Variants in PACRG observed in about 807,000 individuals in gnomAD.
PACRG encodes parkin coregulated.
Under a neutral mutation model 29.7 loss-of-function variants are expected in PACRG, and 29 were observed. The observed-to-expected ratio is 0.98, with a 90% confidence interval of 0.73 to 1.33. PACRG has a LOEUF of 1.33. Ranked by LOEUF, PACRG falls within the 40% of genes most tolerant of loss-of-function variation. The pLI is 0.00. For synonymous variants in PACRG, 116 were observed against 118.7 expected (o/e 0.98, Z 0.15); for missense variants, 279 against 316.2 (o/e 0.88, Z 0.89).
chr6:162,832,813 CTT>C lies in PACRG; in HGVS notation c.291+18544_291+18545del, dbSNP rs11310965. ...TCTAGCTTCTGCACATAAAAGCAGTCTTTTTTTTTTTTTCATTTTTTTGCCCA... is the reference window on the plus strand; with the variant it reads ...TCTAGCTTCTGCACATAAAAGCAGTCTTTTTTTTTTTCATTTTTTTGCCCA... On this transcript the variant is annotated intron_variant, in intron 2 of 4. Coordinates refer to ENST00000366888, the MANE Select transcript of PACRG (RefSeq NM_001080379.2). Among the ~76,000 whole-genome samples, 652 of 144,280 alleles carry C rather than the reference CTT, an allele frequency of 4.5e-3. 3 individuals are homozygous for C. Among genetic ancestry groups the C allele is most frequent in the African/African-American group, 0.015 (589 of 39,606 alleles). The allele number at this position is 144,280 out of a possible 152,430, so 94.7% of individuals were successfully genotyped here. A position where few individuals can be genotyped will look rare whatever the true frequency, so the allele number is the denominator to read the frequency against.
intron 2 of PACRG, among the ~76,000 whole-genome samples, chr6:162,882,096 G>A (rs1318938573): frequency 7.2e-6 from 1 of 138,202 alleles, no homozygotes; most frequent in Non-Finnish European, 1.5e-5. Context: ...CGGGGTGGGG[G>A]GGCGCACTCT....
At chr6:163,239,586 A>G (rs73601549) in intron 4 of PACRG, among the ~76,000 whole-genome samples, 12,063 of 151,664 alleles carry the variant, frequency 0.08, 980 homozygotes, top group East Asian at 0.2. Context: ...CCTTCTTAAC[A>G]TCACCTGATG....
At chr6:162,817,814 G>A (rs945384153) in intron 2 of PACRG, among the ~76,000 whole-genome samples, 2 of 152,044 alleles carry the variant, frequency 1.3e-5, no homozygotes, top group Non-Finnish European at 2.9e-5. Flanking sequence ...TATTATTAAA[G>A]TGAAAAAACG....
intron 2 of PACRG, among the ~76,000 whole-genome samples, chr6:162,817,102 G>T (rs1787421445): frequency 6.6e-6 from 1 of 152,172 alleles, no homozygotes; most frequent in African/African-American, 2.4e-5. Context: ...AGTGTTTCCA[G>T]AGCCTGTGGC....
intron 3 of PACRG, among the ~76,000 whole-genome samples, chr6:163,071,999 C>T (rs928724576): frequency 6.6e-6 from 1 of 151,446 alleles, no homozygotes; most frequent in Non-Finnish European, 1.5e-5. Flanking sequence ...TTCTACCAGA[C>T]ATTTCAAGAA....
intron 2 of PACRG, among the ~76,000 whole-genome samples, chr6:162,970,623 T>C (rs1382669496): frequency 6.6e-6 from 1 of 152,244 alleles, no homozygotes; most frequent in Non-Finnish European, 1.5e-5. Flanking sequence ...TCATTAGTTG[T>C]CTGCTCAAAA....
chr6:162,987,790 G>C (rs1299116954), intron 2 of PACRG, among the ~76,000 whole-genome samples: 1 of 152,218 alleles, frequency 6.6e-6, no homozygotes, highest in Non-Finnish European at 1.5e-5. Flanking sequence ...GACTCTGTGA[G>C]AGTCCTTGTT....
rs182295419 is a variant in PACRG, at chr6:163,118,493, T to C, written c.613+29085T>C. On this transcript the variant is annotated intron_variant, in intron 4 of 4. Coordinates refer to ENST00000366888, the MANE Select transcript of PACRG (RefSeq NM_001080379.2). ...TTTTTAAGCAAAGTTACTGCATGGC[T>C]AATGTATTTTATTTATAGATCCCCG... Among the ~76,000 whole-genome samples, 168 of 152,354 alleles carry C rather than the reference T, an allele frequency of 1.1e-3. 1 individual carries two copies. The highest frequency in any genetic ancestry group is 2.2e-3 in the Non-Finnish European group (148 of 68,034).
At chr6:162,858,863 C>T (rs1169072960) in intron 2 of PACRG, among the ~76,000 whole-genome samples, 1 of 152,154 alleles carries the variant, frequency 6.6e-6, no homozygotes, top group Non-Finnish European at 1.5e-5. Context: ...GAGTGGCCTT[C>T]CCTGCGGTCA....
rs193026060 is a variant in PACRG, at chr6:163,058,393, G to A, written c.292-3757G>A. On this transcript the variant is annotated intron_variant, in intron 2 of 4. Transcript: ENST00000366888. Reference sequence around the variant, plus strand: ...CTGGTGGCAGTGAGACGAGGTGTTTGATCCCTACCTGTTGTTCTAATAGTA... The same window carrying A: ...CTGGTGGCAGTGAGACGAGGTGTTTAATCCCTACCTGTTGTTCTAATAGTA... Among the ~76,000 whole-genome samples, 243 of 152,268 alleles carry A rather than the reference G, an allele frequency of 1.6e-3. 1 individual carries two copies. The highest frequency in any genetic ancestry group is 5.5e-3 in the African/African-American group (227 of 41,558).
chr6:162,922,560 T>A (rs1797142111), intron 2 of PACRG, among the ~76,000 whole-genome samples: 1 of 151,928 alleles, frequency 6.6e-6, no homozygotes, highest in Admixed American at 6.6e-5. Flanking sequence ...CCCTCCTTAT[T>A]TCCCCCCATC....
Position 162,743,850 on chromosome 6 carries a change from A to T in PACRG, c.156+15459A>T, listed in dbSNP as rs1015715510. 4.6e-5 allele frequency among the ~76,000 whole-genome samples: 7 copies of T among 152,192 alleles called. No homozygotes were observed. In the East Asian group the frequency reaches 1.3e-3, roughly 29 times the overall value. ...TGCTAAGGAAAAAAAACCCTTAATT[A>T]TCATCCACCAAATGGCTTATTGGTC... is the stretch of plus-strand genomic sequence containing the variant. On this transcript the variant is annotated intron_variant, in intron 1 of 4. Coordinates refer to ENST00000366888, the MANE Select transcript of PACRG (RefSeq NM_001080379.2).
intron 4 of PACRG, among the ~76,000 whole-genome samples, chr6:163,108,568 T>TTG (rs1438538258): frequency 1.3e-5 from 2 of 151,440 alleles, no homozygotes. Context: ...AATTTTTTTT[T>TTG]TGTCTTTTTA....
chr6:163,304,430 A>G (rs1027463861), intron 4 of PACRG, among the ~76,000 whole-genome samples: 8 of 152,144 alleles, frequency 5.3e-5, no homozygotes, highest in African/African-American at 1.7e-4. Flanking sequence ...GCCCAATTTG[A>G]ATTTGATGCC....
intron 2 of PACRG, among the ~76,000 whole-genome samples, chr6:162,878,573 A>G (rs1246609944): frequency 6.6e-6 from 1 of 152,200 alleles, no homozygotes; most frequent in Non-Finnish European, 1.5e-5. Flanking sequence ...CAAGATGGCC[A>G]ACTAGAGCCA....
At chr6:163,041,406 A>C (rs1239187288) in intron 2 of PACRG, among the ~76,000 whole-genome samples, 1 of 152,196 alleles carries the variant, frequency 6.6e-6, no homozygotes, top group Non-Finnish European at 1.5e-5. Flanking sequence ...TGATTGGATC[A>C]TGGGACCAGT....
rs191427519 is a variant in PACRG, at chr6:162,948,294, G to A, written c.292-113856G>A. 9.0e-3 allele frequency among the ~76,000 whole-genome samples: 1,372 copies of A among 152,102 alleles called. 14 individuals are homozygous for A. Among genetic ancestry groups the A allele is most frequent in the African/African-American group, 0.024 (997 of 41,502 alleles). On this transcript the variant is annotated intron_variant, in intron 2 of 4. Coordinates refer to ENST00000366888, the MANE Select transcript of PACRG (RefSeq NM_001080379.2). ...TAGGTGCCAACAACATACATAGGGG[G>A]AAAACACACTCCTCATCAAATTGTG...
intron 2 of PACRG, among the ~76,000 whole-genome samples, chr6:163,052,493 C>A (rs1213853864): frequency 1.3e-5 from 2 of 152,116 alleles, no homozygotes; most frequent in African/African-American, 4.8e-5. Flanking sequence ...CCACCCAAAT[C>A]TCATCTCGAA....
intron 2 of PACRG, among the ~76,000 whole-genome samples, chr6:162,869,229 C>A (rs79879674): frequency 4.7e-4 from 71 of 152,194 alleles, no homozygotes; most frequent in African/African-American, 1.6e-3. Flanking sequence ...TGGCTCAGAA[C>A]GTTCCTTGAT....
Sources: gnomAD v4.1 joint callset for allele counts (sites outside exome capture counted in the v4.1 genomes callset) on GRCh38, gnomAD v4.1.1 for gene constraint, MANE v1.5 for transcripts, NCBI Gene and HGNC (gene_info 2026-07-23, HGNC 2026-07-21) for gene names.